The following ACACA variants were observed in gnomAD, a reference collection of about 807,000 sequenced individuals.
ACACA encodes acetyl-CoA carboxylase 1.
ACACA carries 103 observed loss-of-function variants against 296.1 expected under a neutral mutation model. The ratio of observed to expected loss-of-function variants is 0.35; its 90% CI spans 0.30 to 0.41. The LOEUF is 0.41. Ranked by LOEUF, ACACA falls within the 10% of genes least tolerant of loss-of-function variation. The pLI is 1.00. For missense variants in ACACA, 1,554 were observed against 2,989.7 expected, an observed-to-expected ratio of 0.52 and a Z score of 11.20; for synonymous variants, 953 against 1,038.6, an observed-to-expected ratio of 0.92 and a Z score of 1.58.
intron 24 of ACACA, among the ~76,000 whole-genome samples, chr17:37,240,134 G>A (rs1332995940): frequency 6.6e-6 from 1 of 152,128 alleles, no homozygotes; most frequent in Non-Finnish European, 1.5e-5. Flanking sequence ...TCAGATATGG[G>A]TTTCTCAATT....
At chr17:37,196,281 A>G (rs755244193) in intron 35 of ACACA, among the ~76,000 whole-genome samples, 1 of 151,808 alleles carries the variant, frequency 6.6e-6, no homozygotes, top group Non-Finnish European at 1.5e-5. Flanking sequence ...AAACAGAACT[A>G]TCTTAAAAAA....
chr17:37,252,170 A>G, intron 15 of ACACA, 62 bp from the exon 16 acceptor site: 1 of 1,340,944 alleles, frequency 7.5e-7, no homozygotes, highest in Non-Finnish European at 1.1e-6. Context: ...AGCCTCTCAA[A>G]TGAAATCAGG....
intron 1 of ACACA, among the ~76,000 whole-genome samples, chr17:37,357,014 T>TAGAGAGGTCAACATCAGATG (rs1469481209): frequency 1.3e-5 from 2 of 152,216 alleles, no homozygotes; most frequent in African/African-American, 4.8e-5. Context: ...CACAGCACTT[T>TAGAGAGGTCAACATCAGATG]AGAGAGGTCA....
At chr17:37,160,246 G>A (rs2076407843) in intron 42 of ACACA, among the ~76,000 whole-genome samples, 1 of 152,228 alleles carries the variant, frequency 6.6e-6, no homozygotes. Context: ...CAAAAGAGCA[G>A]GAGGAAGTGT....
At chr17:37,158,253 T>C (rs1194154796) in intron 42 of ACACA, among the ~76,000 whole-genome samples, 2 of 152,074 alleles carry the variant, frequency 1.3e-5, no homozygotes, top group Non-Finnish European at 2.9e-5. Flanking sequence ...AGATGTTGAG[T>C]CTGGATATAT....
chr17:37,311,212 A>G (rs148236680), intron 3 of ACACA, among the ~76,000 whole-genome samples: 85 of 152,338 alleles, frequency 5.6e-4, no homozygotes, highest in African/African-American at 2.0e-3. Flanking sequence ...AATCTTGACC[A>G]TAAAATGGGG....
rs773763206 is a variant in ACACA at position 37,330,223 on chromosome 17, G to A, written c.288C>T (p.Leu96=). 1 of 1,614,146 alleles carries A rather than the reference G, an allele frequency of 6.2e-7. No homozygotes were observed. Among genetic ancestry groups the A allele is most frequent in the East Asian group, 2.2e-5 (1 of 44,872 alleles). The change falls in exon 3 of 56, where the codon CTC becomes CTT. Residue 96 remains leucine, a synonymous_variant. Coordinates refer to ENST00000616317, the MANE Select transcript of ACACA (RefSeq NM_198834.3). ...GTAGGCTAGAGATCCCCAAATCAGA[G>A]AGTGTATCTGAGCCAACAGAAGCAG... The part of the protein sequence containing the change: ...LSPASVGSDT[L]SDLGISSLQD...
At chr17:37,332,988 C>T (rs984554199) in intron 2 of ACACA, among the ~76,000 whole-genome samples, 17 of 151,498 alleles carry the variant, frequency 1.1e-4, no homozygotes, top group African/African-American at 3.9e-4. Flanking sequence ...CCGACCTCAA[C>T]TTGTATACTG....
At chr17:37,212,328 A>G (rs1013230984) in intron 29 of ACACA, among the ~76,000 whole-genome samples, 2 of 152,268 alleles carry the variant, frequency 1.3e-5, no homozygotes, top group African/African-American at 4.8e-5. Flanking sequence ...AAGAACACCA[A>G]TAACAACAAA....
At chr17:37,391,222 A>G (rs1270655673) in intron 1 of ACACA, among the ~76,000 whole-genome samples, 2 of 152,166 alleles carry the variant, frequency 1.3e-5, no homozygotes, top group African/African-American at 4.8e-5. Flanking sequence ...TCGGTGACAG[A>G]GCGAGACTCT....
rs576146266 is a variant in ACACA at position 37,394,944 on chromosome 17, T to C, written c.38+11318A>G. The stretch of plus-strand genomic sequence containing the variant: ...AAATAAATAAAGTACATTCTCATTA[T>C]AAAAGCTTTTAGAAAATACTCAAAA... On this transcript the variant is annotated intron_variant, in intron 1 of 55. Coordinates refer to ENST00000616317, the MANE Select transcript of ACACA (RefSeq NM_198834.3). Among the ~76,000 whole-genome samples, 6 of 151,610 alleles carry C rather than the reference T, an allele frequency of 4.0e-5. No individual in the cohort carries two copies. The East Asian group carries it at 9.7e-4, about 24-fold the overall frequency.
At chr17:37,231,191 C>A (rs1338919687) in intron 25 of ACACA, among the ~76,000 whole-genome samples, 1 of 146,648 alleles carries the variant, frequency 6.8e-6, no homozygotes, top group African/African-American at 2.5e-5. Flanking sequence ...GCAGCCCAGG[C>A]AACACAGTGA....
At chr17:37,357,095 G>A (rs2049177647) in intron 1 of ACACA, among the ~76,000 whole-genome samples, 1 of 152,168 alleles carries the variant, frequency 6.6e-6, no homozygotes, top group African/African-American at 2.4e-5. Flanking sequence ...CCTAGTTTTT[G>A]AACTATAAAT....
chr17:37,149,403 G>A (rs2075949093), intron 45 of ACACA, among the ~76,000 whole-genome samples: 1 of 152,160 alleles, frequency 6.6e-6, no homozygotes, highest in Admixed American at 6.5e-5. Context: ...CCTAATTCAT[G>A]ATGTAGGCCT....
chr17:37,257,949 T>C, intron 13 of ACACA, 83 bp from the exon 14 acceptor site: 1 of 1,525,036 alleles, frequency 6.6e-7, no homozygotes, highest in South Asian at 1.1e-5. Context: ...AGTTCTCTGT[T>C]AATCACACAC....
intron 1 of ACACA, among the ~76,000 whole-genome samples, chr17:37,390,139 AGTATATATAT>A (rs1568094380): frequency 1.1e-4 from 2 of 17,880 alleles, no homozygotes; most frequent in African/African-American, 8.1e-4. Context: ...TAAAAAAAAA[AGTATATATAT>A]ATATATATAT....
chr17:37,210,439 A>G (rs371749841), intron 30 of ACACA, 28 bp downstream of exon 30: 1 of 1,606,108 alleles, frequency 6.2e-7, no homozygotes, highest in Non-Finnish European at 8.5e-7. Context: ...GGTGCTTTTA[A>G]TTGGAAAAGA....
chr17:37,300,838 C>T (rs991108479), intron 3 of ACACA, among the ~76,000 whole-genome samples: 6 of 152,140 alleles, frequency 3.9e-5, no homozygotes, highest in Admixed American at 3.9e-4. Context: ...TGTGCCAATG[C>T]CCATTAAGTT....
chr17:37,114,352 G>A (rs1456567652), intron 50 of ACACA, among the ~76,000 whole-genome samples: 1 of 151,834 alleles, frequency 6.6e-6, no homozygotes, highest in Non-Finnish European at 1.5e-5. Flanking sequence ...GACCAACAGA[G>A]AGAGACCCTA....
Sources: allele counts gnomAD v4.1 joint callset (sites outside exome capture counted in the v4.1 genomes callset), GRCh38; gene constraint gnomAD v4.1.1; transcripts MANE v1.5; gene names NCBI Gene and HGNC (gene_info 2026-07-23, HGNC 2026-07-21).